GRIN2A: variants seen among roughly 807,000 people sequenced by gnomAD.
GRIN2A encodes glutamate receptor ionotropic, NMDA 2A.
Under a neutral mutation model 113.4 loss-of-function variants are expected in GRIN2A, and 22 were observed. The ratio of observed to expected loss-of-function variants is 0.19; its 90% CI spans 0.14 to 0.28. The LOEUF is 0.28. GRIN2A is among the 10% of genes least tolerant of loss of function. The pLI, the probability that GRIN2A is intolerant of heterozygous loss-of-function variation, is 1.00. For synonymous variants in GRIN2A, 827 were observed against 738.4 expected (o/e 1.12, Z -1.94); for missense variants, 1,502 against 1,887.0 (o/e 0.80, Z 3.78).
intron 2 of GRIN2A, among the ~76,000 whole-genome samples, chr16:10,087,636 T>C (rs1321937077): frequency 6.6e-6 from 1 of 152,218 alleles, no homozygotes; most frequent in African/African-American, 2.4e-5. Flanking sequence ...AACAGTTAAA[T>C]TATATCATCT....
At chr16:9,941,758 C>T (rs2044884499) in intron 2 of GRIN2A, among the ~76,000 whole-genome samples, 1 of 152,170 alleles carries the variant, frequency 6.6e-6, no homozygotes, top group African/African-American at 2.4e-5. Flanking sequence ...TCATAGTAAA[C>T]ATGCTAGAAA....
At chr16:9,911,655 A>C (rs1018523026) in intron 3 of GRIN2A, among the ~76,000 whole-genome samples, 4 of 152,240 alleles carry the variant, frequency 2.6e-5, no homozygotes, top group African/African-American at 9.6e-5. Context: ...CTTAGGAACA[A>C]GGAAGTGCAT....
At chr16:10,045,279 C>T (rs909855313) in intron 2 of GRIN2A, among the ~76,000 whole-genome samples, 2 of 152,148 alleles carry the variant, frequency 1.3e-5, no homozygotes, top group Non-Finnish European at 2.9e-5. Context: ...CAGATGGCCT[C>T]CTTCAGGAAA....
intron 2 of GRIN2A, among the ~76,000 whole-genome samples, chr16:9,957,482 T>C (rs183653651): frequency 1.2e-3 from 179 of 152,310 alleles, no homozygotes; most frequent in African/African-American, 4.0e-3. Flanking sequence ...TGCCTTCCCA[T>C]GTGAAACCCC....
intron 2 of GRIN2A, among the ~76,000 whole-genome samples, chr16:10,132,080 C>A (rs1035666093): frequency 1.3e-5 from 2 of 151,912 alleles, no homozygotes; most frequent in African/African-American, 4.8e-5. Flanking sequence ...GCCTGTAATC[C>A]CAGCACTTTG....
At chr16:10,098,691 G>A (rs2048339577) in intron 2 of GRIN2A, among the ~76,000 whole-genome samples, 1 of 152,156 alleles carries the variant, frequency 6.6e-6, no homozygotes, top group Non-Finnish European at 1.5e-5. Context: ...ATTATTCTAA[G>A]TAAAGTAACT....
intron 2 of GRIN2A, among the ~76,000 whole-genome samples, chr16:10,043,231 G>C (rs983642011): frequency 6.6e-6 from 1 of 152,142 alleles, no homozygotes; most frequent in African/African-American, 2.4e-5. Context: ...ACTGAGGCTT[G>C]ATGCCGTTAA....
At chr16:9,771,516 A>T (rs1901271375) in intron 11 of GRIN2A, among the ~76,000 whole-genome samples, 1 of 152,116 alleles carries the variant, frequency 6.6e-6, no homozygotes, top group Non-Finnish European at 1.5e-5. Context: ...ACTTTCATAT[A>T]TTTAATAATT....
chr16:9,869,859 A>G (rs185245962), intron 4 of GRIN2A, among the ~76,000 whole-genome samples: 68 of 152,370 alleles, frequency 4.5e-4, no homozygotes, highest in African/African-American at 1.6e-3. Flanking sequence ...TCTGGCCCAC[A>G]GAAGGTATTT....
intron 11 of GRIN2A, among the ~76,000 whole-genome samples, chr16:9,777,245 C>T (rs1182237023): frequency 6.6e-6 from 1 of 151,934 alleles, no homozygotes; most frequent in African/African-American, 2.4e-5. Context: ...AAGGACAAAA[C>T]AAAGGCCCAA....
intron 2 of GRIN2A, among the ~76,000 whole-genome samples, chr16:10,004,541 A>C (rs2046373555): frequency 6.6e-6 from 1 of 152,342 alleles, no homozygotes; most frequent in East Asian, 1.9e-4. Context: ...TCAAGGTGTC[A>C]GCAGGGGTGT....
chr16:10,090,263 T>C (rs961818612), intron 2 of GRIN2A, among the ~76,000 whole-genome samples: 2 of 151,594 alleles, frequency 1.3e-5, no homozygotes, highest in Non-Finnish European at 2.9e-5. Context: ...AAAACAATGG[T>C]GAAGGACTTA....
intron 2 of GRIN2A, among the ~76,000 whole-genome samples, chr16:9,962,850 A>G (rs763408307): frequency 2.8e-4 from 43 of 152,166 alleles, no homozygotes; most frequent in Non-Finnish European, 5.3e-4. Context: ...TATTCACAAT[A>G]GCAAAGACTT....
chr16:9,813,458 C>G (rs982429753), intron 10 of GRIN2A, among the ~76,000 whole-genome samples: 31 of 151,410 alleles, frequency 2.0e-4, no homozygotes, highest in African/African-American at 6.5e-4. Flanking sequence ...TCCATCATCC[C>G]AATCACCTAG....
intron 2 of GRIN2A, among the ~76,000 whole-genome samples, chr16:10,059,213 TTG>T (rs1447448920): frequency 6.6e-6 from 1 of 152,186 alleles, no homozygotes; most frequent in African/African-American, 2.4e-5. Context: ...TAGGTTTTAG[TTG>T]TGCCTTAAGT....
chr16:9,756,128 G>GT lies in GRIN2A; in HGVS notation c.*7020dup, dbSNP rs1287665158. The GT allele has an allele frequency of 2.2e-5, 5 of 225,090 alleles. No homozygotes were observed. The highest frequency in any genetic ancestry group is 4.5e-5 in the African/African-American group (2 of 44,872). The allele number at this position is 225,090 out of a possible 1,614,324, so 13.9% of individuals were successfully genotyped here. A position where few individuals can be genotyped will look rare whatever the true frequency, so the allele number is the denominator to read the frequency against. ...CTTTAATGGAGGGTCACATGGCTGT[G>GT]TGTGTGTGTGTGCATACCCACACAC... On this transcript the variant is annotated 3_prime_UTR_variant, in exon 13 of 13. Transcript: ENST00000330684.
At chr16:9,870,502 G>A (rs2043239201) in intron 4 of GRIN2A, among the ~76,000 whole-genome samples, 1 of 152,116 alleles carries the variant, frequency 6.6e-6, no homozygotes, top group African/African-American at 2.4e-5. Context: ...GCTCTTTATG[G>A]GCTAGAAGTT....
intron 2 of GRIN2A, among the ~76,000 whole-genome samples, chr16:10,090,416 A>G (rs1024019046): frequency 6.6e-6 from 1 of 152,210 alleles, no homozygotes; most frequent in Non-Finnish European, 1.5e-5. Context: ...CAAACATGAC[A>G]GGATAATTTG....
intron 2 of GRIN2A, among the ~76,000 whole-genome samples, chr16:10,032,005 C>T (rs766766818): frequency 3.3e-5 from 5 of 152,244 alleles, no homozygotes; most frequent in Non-Finnish European, 5.9e-5. Flanking sequence ...CCTCAGGGAA[C>T]CTTCTCTGAC....
Sources: gnomAD v4.1 joint callset for allele counts (sites outside exome capture counted in the v4.1 genomes callset) on GRCh38, gnomAD v4.1.1 for gene constraint, MANE v1.5 for transcripts, NCBI Gene and HGNC (gene_info 2026-07-23, HGNC 2026-07-21) for gene names.